DCPS: variants seen among roughly 807,000 people sequenced by gnomAD.
DCPS encodes the protein decapping enzyme, scavenger.
In DCPS, 27 loss-of-function variants were observed where a neutral mutation model predicts 34.7. The ratio of observed to expected loss-of-function variants is 0.78; its 90% confidence interval spans 0.57 to 1.07. The LOEUF is 1.07. DCPS is among the 50% of genes least tolerant of loss of function. The pLI, the probability that DCPS is intolerant of heterozygous loss-of-function variation, is 0.00. For missense variants in DCPS, 464 were observed against 436.9 expected, an observed-to-expected ratio of 1.06 and a Z score of -0.55; for synonymous variants, 185 against 185.7, an observed-to-expected ratio of 1.00 and a Z score of 0.03.
rs548710540 is a variant in DCPS at position 126,346,926 on chromosome 11, TA to T, written c.*1319del. Reference sequence around the variant, plus strand: ...CGAACATGGTGAAACCCATCTCTACTAAAAAACAGAAAAATTAGCCAGGTGT... The same window carrying T: ...CGAACATGGTGAAACCCATCTCTACTAAAAACAGAAAAATTAGCCAGGTGT... On this transcript the variant is annotated 3_prime_UTR_variant, in exon 6 of 6. Coordinates refer to ENST00000263579, the MANE Select transcript of DCPS (RefSeq NM_014026.6). This position sits in a 1 kb window ranked among gnomAD's most constrained non-coding sequence, Gnocchi z 4.1. 9.3e-4 allele frequency among the ~76,000 whole-genome samples: 142 copies of T among 152,036 alleles called. 1 individual carries two copies. The highest frequency in any genetic ancestry group is 3.3e-3 in the African/African-American group (137 of 41,470).
Position 126,334,354 on chromosome 11 carries a change from T to A in DCPS, c.522+2804T>A, listed in dbSNP as rs1951815000. Among the ~76,000 whole-genome samples, 1 of 152,140 alleles carries A rather than the reference T, an allele frequency of 6.6e-6. No individual in the cohort carries two copies. Among genetic ancestry groups the A allele is most frequent in the African/African-American group, 2.4e-5 (1 of 41,424 alleles). On this transcript the variant is annotated intron_variant, in intron 3 of 5. Transcript: ENST00000263579. The surrounding 1 kb of genome is among the most constrained non-coding windows in gnomAD (Gnocchi z 5.5). ...TTTATTTATTTATTTATTATTTATT[T>A]ATTTTTGAGATGGAGTTTCACTCTT...
rs1951962691 is a variant in DCPS at position 126,348,870 on chromosome 11, A to C, written c.*3257A>C. On this transcript the variant is annotated 3_prime_UTR_variant, in exon 6 of 6. Transcript: ENST00000263579. The surrounding 1 kb of genome is among the most constrained non-coding windows in gnomAD (Gnocchi z 5.3). The stretch of plus-strand genomic sequence containing the variant: ...CATATAGCAGATCATTTCATGACCC[A>C]CATTCTCCTTCCTTTTTACGAAGAA... Among the ~76,000 whole-genome samples the C allele has an allele frequency of 6.6e-6, 1 of 152,222 alleles. No homozygotes were observed. The highest frequency in any genetic ancestry group is 1.5e-5 in the Non-Finnish European group (1 of 68,042).
At position 126,344,095 on chromosome 11, in the gene DCPS, A is replaced by C. The variant is rs1591393779; in HGVS notation, c.747+678A>C. ...CCACCATCCTAAGGGGCTGGGTCTG[A>C]GTCTTTTTTCCACTCTGAAATGTGA... On this transcript the variant is annotated intron_variant, in intron 5 of 5. Transcript: ENST00000263579. The surrounding 1 kb of genome is among the most constrained non-coding windows in gnomAD (Gnocchi z 8.1). Among the ~76,000 whole-genome samples, 3 of 151,896 alleles carry C rather than the reference A, an allele frequency of 2.0e-5. No homozygotes were observed. Among genetic ancestry groups the C allele is most frequent in the Admixed American group, 6.6e-5 (1 of 15,212 alleles).
intron 2 of DCPS, among the ~76,000 whole-genome samples, chr11:126,324,367 T>TATA (rs1246980652): frequency 2.0e-5 from 3 of 152,078 alleles, no homozygotes; most frequent in Admixed American, 2.0e-4. Flanking sequence ...GAATTGGATT[T>TATA]ATAATAATAA....
At chr11:126,343,211 G>A (rs1951890101) in intron 4 of DCPS, 96 bp from the exon 5 acceptor site, 1 of 944,764 alleles carries the variant, frequency 1.1e-6, no homozygotes, top group African/African-American at 1.6e-5. Flanking sequence ...AGGCCTCAGG[G>A]GTGGGTGCTT....
chr11:126,322,173 C>A lies in DCPS; in HGVS notation c.377-9232C>A, dbSNP rs1447492879. Among the ~76,000 whole-genome samples the A allele has an allele frequency of 1.3e-5, 2 of 152,188 alleles. No individual in the cohort carries two copies. The highest frequency in any genetic ancestry group is 1.9e-4 in the East Asian group (1 of 5,200). ...TTGAGATCCAACCACACCATCAGGG[C>A]ATTGGAGACAGAAGAAAACAGGTCA... On this transcript the variant is annotated intron_variant, in intron 2 of 5. Coordinates refer to ENST00000263579, the MANE Select transcript of DCPS (RefSeq NM_014026.6). This position sits in a 1 kb window ranked among gnomAD's most constrained non-coding sequence, Gnocchi z 4.2.
intron 4 of DCPS, among the ~76,000 whole-genome samples, chr11:126,340,605 C>T (rs1332020649): frequency 6.6e-6 from 1 of 152,178 alleles, no homozygotes; most frequent in Non-Finnish European, 1.5e-5. Flanking sequence ...GGAAGATAGG[C>T]CATGCCTGGG....
Position 126,343,299 on chromosome 11 carries a change from C to T in DCPS, c.637-8C>T, listed in dbSNP as rs375188541. Reference sequence around the variant, plus strand: ...GCTGAGCCTGGTCTCCCCTTGCTCTCTACGCAGCTCGATGACTTGTACTTG... The same window carrying T: ...GCTGAGCCTGGTCTCCCCTTGCTCTTTACGCAGCTCGATGACTTGTACTTG... On this transcript the variant is annotated splice_polypyrimidine_tract_variant and splice_region_variant and intron_variant, in intron 4 of 5. Coordinates refer to ENST00000263579, the MANE Select transcript of DCPS (RefSeq NM_014026.6). 4 of 1,610,928 alleles carry T rather than the reference C, an allele frequency of 2.5e-6. No homozygotes were observed. Among genetic ancestry groups the T allele is most frequent in the Non-Finnish European group, 3.4e-6 (4 of 1,178,506 alleles).
rs1951717691 is a variant in DCPS at position 126,322,813 on chromosome 11, A to T, written c.377-8592A>T. Among the ~76,000 whole-genome samples the T allele has an allele frequency of 6.6e-6, 1 of 152,056 alleles. No individual in the cohort carries two copies. The highest frequency in any genetic ancestry group is 1.5e-5 in the Non-Finnish European group (1 of 68,016). On this transcript the variant is annotated intron_variant, in intron 2 of 5. Transcript: ENST00000263579. This position sits in a 1 kb window ranked among gnomAD's most constrained non-coding sequence, Gnocchi z 4.2. The stretch of plus-strand genomic sequence containing the variant: ...TTCACCATGTTGGCCAGTCTATCCT[A>T]AAATTCTTTAGCAAGAAGCAAAAAA...
rs1227043108 is a variant in DCPS at position 126,323,967 on chromosome 11, A to T, written c.377-7438A>T. Among the ~76,000 whole-genome samples, 2 of 152,074 alleles carry T rather than the reference A, an allele frequency of 1.3e-5. No homozygotes were observed. Among genetic ancestry groups the T allele is most frequent in the African/African-American group, 2.4e-5 (1 of 41,402 alleles). On this transcript the variant is annotated intron_variant, in intron 2 of 5. Transcript: ENST00000263579. The surrounding 1 kb of genome is among the most constrained non-coding windows in gnomAD (Gnocchi z 4.4). The stretch of plus-strand genomic sequence containing the variant: ...CGCCTCAGCCTCCCGAGTATCTGGG[A>T]TTACAGAAGCAAGCCACCATGCCTG...
At position 126,332,720 on chromosome 11, in the gene DCPS, C is replaced by T. The variant is rs1951802696; in HGVS notation, c.522+1170C>T. On this transcript the variant is annotated intron_variant, in intron 3 of 5. Coordinates refer to ENST00000263579, the MANE Select transcript of DCPS (RefSeq NM_014026.6). The surrounding 1 kb of genome is among the most constrained non-coding windows in gnomAD (Gnocchi z 5.4). ...CCAGCCTGGTTCAGCCCTGGTCTCC[C>T]TGGGCAGCAGTTTGCGTGGGGTGCA... 6.6e-6 allele frequency among the ~76,000 whole-genome samples: 1 copy of T among 152,222 alleles called. No homozygotes were observed. Among genetic ancestry groups the T allele is most frequent in the African/African-American group, 2.4e-5 (1 of 41,460 alleles).
rs57372445 is a variant in DCPS, at chr11:126,323,639, G to A, written c.377-7766G>A. Among the ~76,000 whole-genome samples, 8,597 of 151,878 alleles carry A rather than the reference G, an allele frequency of 0.057. 401 individuals carry two copies. The highest frequency in any genetic ancestry group is 0.15 in the East Asian group (777 of 5,164). The stretch of plus-strand genomic sequence containing the variant: ...CAGCCTTGACCTTCCAGGCTCAAGC[G>A]ATCCTCCCACCACCTCAGCCACCAG... On this transcript the variant is annotated intron_variant, in intron 2 of 5. Transcript: ENST00000263579. This position sits in a 1 kb window ranked among gnomAD's most constrained non-coding sequence, Gnocchi z 4.4.
rs1247907116 is a variant in DCPS, at chr11:126,348,622, G to C, written c.*3009G>C. Among the ~76,000 whole-genome samples the C allele has an allele frequency of 6.6e-6, 1 of 152,204 alleles. No homozygotes were observed. The highest frequency in any genetic ancestry group is 1.5e-5 in the Non-Finnish European group (1 of 68,036). On this transcript the variant is annotated 3_prime_UTR_variant, in exon 6 of 6. Transcript: ENST00000263579. The surrounding 1 kb of genome is among the most constrained non-coding windows in gnomAD (Gnocchi z 5.3). ...CCAAAAGCATAGTCTGTCTTTATTA[G>C]GGTGACCTTCATATCAGACTCCCAG...
chr11:126,343,277 G>T, intron 4 of DCPS, 30 bp from the exon 5 acceptor site: 1 of 1,590,650 alleles, frequency 6.3e-7, no homozygotes. Flanking sequence ...GTTCCCTGCT[G>T]AGCCTGGTCT....
chr11:126,309,116 C>G (rs1295445021), intron 2 of DCPS, among the ~76,000 whole-genome samples: 2 of 151,842 alleles, frequency 1.3e-5, no homozygotes, highest in Non-Finnish European at 2.9e-5. Flanking sequence ...CCTCCGCCTC[C>G]CAGGTTCAAG....
rs1354496057 is a variant in DCPS at position 126,327,372 on chromosome 11, A to T, written c.377-4033A>T. On this transcript the variant is annotated intron_variant, in intron 2 of 5. Coordinates refer to ENST00000263579, the MANE Select transcript of DCPS (RefSeq NM_014026.6). The surrounding 1 kb of genome is among the most constrained non-coding windows in gnomAD (Gnocchi z 4.1). ...AGAATTCCACATGATCAGGAGGCACATGATGTCGGCGTGCCCAGCAGGGGT... is the reference window on the plus strand; with the variant it reads ...AGAATTCCACATGATCAGGAGGCACTTGATGTCGGCGTGCCCAGCAGGGGT... Among the ~76,000 whole-genome samples, 1 of 152,236 alleles carries T rather than the reference A, an allele frequency of 6.6e-6. No individual in the cohort carries two copies. The highest frequency in any genetic ancestry group is 1.5e-5 in the Non-Finnish European group (1 of 68,044).
Position 126,331,901 on chromosome 11 carries a change from G to C in DCPS, c.522+351G>C, listed in dbSNP as rs1951796796. Reference sequence around the variant, plus strand: ...CTTTGGGGGTGGGGGAACTGATGCTGGTCTTGGTCCCACCTGATGTGCTTG... The same window carrying C: ...CTTTGGGGGTGGGGGAACTGATGCTCGTCTTGGTCCCACCTGATGTGCTTG... On this transcript the variant is annotated intron_variant, in intron 3 of 5. Transcript: ENST00000263579. This position sits in a 1 kb window ranked among gnomAD's most constrained non-coding sequence, Gnocchi z 7.2. Among the ~76,000 whole-genome samples the C allele has an allele frequency of 6.6e-6, 1 of 152,182 alleles. No homozygotes were observed. Among genetic ancestry groups the C allele is most frequent in the Non-Finnish European group, 1.5e-5 (1 of 68,036 alleles).
rs1951953206 is a variant in DCPS, at chr11:126,347,993, T to C, written c.*2380T>C. ...CCCCCAGTGGTGCTGCTGGAGGGTC[T>C]GACTCCACGGGCTCCCGCTGACCTT... On this transcript the variant is annotated 3_prime_UTR_variant, in exon 6 of 6. Transcript: ENST00000263579. This position sits in a 1 kb window ranked among gnomAD's most constrained non-coding sequence, Gnocchi z 4.2. 6.6e-6 allele frequency among the ~76,000 whole-genome samples: 1 copy of C among 151,878 alleles called. No homozygotes were observed. The highest frequency in any genetic ancestry group is 2.4e-5 in the African/African-American group (1 of 41,358).
rs537470639 is a variant in DCPS at position 126,338,209 on chromosome 11, G to A, written c.523-77G>A. The A allele has an allele frequency of 7.0e-5, 96 of 1,378,382 alleles. No homozygotes were observed. In the Admixed American group the frequency reaches 9.8e-4, roughly 14 times the overall value. 85.4% of individuals were successfully genotyped at this position (1,378,382 alleles called of 1,614,324 possible). A position where few individuals can be genotyped will look rare whatever the true frequency, so the allele number is the denominator to read the frequency against. ...CTGTCTCCTGGAGAGGCCAGGGAAT[G>A]CCCTGAGCTCAGTTTGGGGTATCTC... On this transcript the variant is annotated intron_variant, in intron 3 of 5. Transcript: ENST00000263579. The surrounding 1 kb of genome is among the most constrained non-coding windows in gnomAD (Gnocchi z 5.4).
Sources: allele counts gnomAD v4.1 joint callset (sites outside exome capture counted in the v4.1 genomes callset), GRCh38; gene constraint gnomAD v4.1.1; non-coding constraint Gnocchi (gnomAD v3.1); transcripts MANE v1.5; gene names NCBI Gene and HGNC (gene_info 2026-07-23, HGNC 2026-07-21).